Variants in KIAA0232 observed in about 807,000 individuals in gnomAD.
KIAA0232 encodes the protein KIAA0232, also known as uncharacterized protein KIAA0232.
Under a neutral mutation model 122.0 loss-of-function variants are expected in KIAA0232, and 27 were observed. The ratio of observed to expected loss-of-function variants is 0.22; its 90% CI spans 0.16 to 0.31. KIAA0232 has a LOEUF of 0.31. KIAA0232 is among the 10% of genes least tolerant of loss of function. The probability of loss-of-function intolerance (pLI) is 1.00; values close to 1 mark genes in which losing one functional copy is unlikely to be tolerated. For missense variants in KIAA0232, 1,551 were observed against 1,634.2 expected, an observed-to-expected ratio of 0.95 and a Z score of 0.88; for synonymous variants, 613 against 587.6, an observed-to-expected ratio of 1.04 and a Z score of -0.63.
chr4:6,801,870 CTT>C (rs1052215836), intron 1 of KIAA0232, among the ~76,000 whole-genome samples: 4 of 152,148 alleles, frequency 2.6e-5, no homozygotes, highest in African/African-American at 9.7e-5. Context: ...AAATCATACT[CTT>C]TTAGCTTTAG....
chr4:6,783,608 C>T (rs1433944443), intron 1 of KIAA0232, among the ~76,000 whole-genome samples: 1 of 151,512 alleles, frequency 6.6e-6, no homozygotes, highest in Non-Finnish European at 1.5e-5. Flanking sequence ...GGGAAAACCG[C>T]CGGGCGGGGG....
rs1722100295 is a variant in KIAA0232, at chr4:6,882,061, G to A, written c.*1095G>A. ...TGGTTTTGCTGACTGTCGCTCCGTG[G>A]GACTGGCTCCCGTTTCTCCTTGGTG... On this transcript the variant is annotated 3_prime_UTR_variant, in exon 10 of 10. Coordinates refer to ENST00000307659, the MANE Select transcript of KIAA0232 (RefSeq NM_014743.3). 6.6e-6 allele frequency: 1 copy of A among 152,618 alleles called. No homozygotes were observed. The highest frequency in any genetic ancestry group is 1.9e-4 in the East Asian group (1 of 5,200). The allele number at this position is 152,618 out of a possible 1,614,324, so 9.5% of individuals were successfully genotyped here.
At position 6,863,753 on chromosome 4, in the gene KIAA0232, C is replaced by T. The variant is rs754004759; in HGVS notation, c.3371C>T (p.Ser1124Leu). 6.2e-7 allele frequency: 1 copy of T among 1,614,144 alleles called. No individual in the cohort carries two copies. Among genetic ancestry groups the T allele is most frequent in the South Asian group, 1.1e-5 (1 of 91,048 alleles). The part of the protein sequence containing the change: ...SELSPGGGSE[S>L]EFESEKDEAN... ...CTGTCCCCAGGAGGAGGAAGCGAGT[C>T]AGAATTTGAATCTGAGAAAGATGAA... The change falls in exon 7 of 10, where the codon TCA (serine) becomes TTA (leucine). Residue 1124 changes from serine to leucine, a missense_variant. Transcript: ENST00000307659.
Position 6,880,976 on chromosome 4 carries a change from A to G in KIAA0232, c.*10A>G. ...TCGAACTCATCTCTAAACCTGCAAA[A>G]TAGTACAAATTATTGTTTAAAAATG... On this transcript the variant is annotated 3_prime_UTR_variant, in exon 10 of 10. Coordinates refer to ENST00000307659, the MANE Select transcript of KIAA0232 (RefSeq NM_014743.3). The G allele has an allele frequency of 6.8e-7, 1 of 1,474,474 alleles. No homozygotes were observed. The highest frequency in any genetic ancestry group is 1.5e-5 in the South Asian group (1 of 68,956). 91.3% of individuals were successfully genotyped at this position (1,474,474 alleles called of 1,614,324 possible). A position where few individuals can be genotyped will look rare whatever the true frequency, so the allele number is the denominator to read the frequency against.
rs778936730 is a variant in KIAA0232, at chr4:6,883,542, A to C, written c.*2576A>C. On this transcript the variant is annotated 3_prime_UTR_variant, in exon 10 of 10. Coordinates refer to ENST00000307659, the MANE Select transcript of KIAA0232 (RefSeq NM_014743.3). Reference sequence around the variant, plus strand: ...AAACATTGTGCAGCTTTGCTAGGGAAGAAAGTGGTGTGGCCTGCTGAGAAA... The same window carrying C: ...AAACATTGTGCAGCTTTGCTAGGGACGAAAGTGGTGTGGCCTGCTGAGAAA... 2.6e-5 allele frequency: 4 copies of C among 152,174 alleles called. No homozygotes were observed. Among genetic ancestry groups the C allele is most frequent in the Non-Finnish European group, 5.9e-5 (4 of 68,028 alleles). The allele number at this position is 152,174 out of a possible 1,614,324, so 9.4% of individuals were successfully genotyped here. A position where few individuals can be genotyped will look rare whatever the true frequency, so the allele number is the denominator to read the frequency against.
intron 3 of KIAA0232, among the ~76,000 whole-genome samples, chr4:6,826,214 A>G (rs1718676344): frequency 6.6e-6 from 1 of 152,208 alleles, no homozygotes; most frequent in Non-Finnish European, 1.5e-5. Flanking sequence ...TCTTGCTTCC[A>G]GGTTGCTTGC....
At position 6,862,360 on chromosome 4, in the gene KIAA0232, T is replaced by C. The variant is rs780990536; in HGVS notation, c.1978T>C (p.Leu660=). The C allele has an allele frequency of 1.0e-4, 166 of 1,614,166 alleles. No individual in the cohort carries two copies. The highest frequency in any genetic ancestry group is 5.1e-4 in the South Asian group (46 of 91,074). ...TGAAGTGCAATGCAGTAATTCTGTT[T>C]TACCATTTTCTTTTGAAACACTCAA... ...VFEVQCSNSV[L]PFSFETLNLG... is the part of the protein sequence containing the mutation. The change falls in exon 7 of 10, where the codon TTA becomes CTA. Residue 660 remains leucine (L), a synonymous_variant. Coordinates refer to ENST00000307659, the MANE Select transcript of KIAA0232 (RefSeq NM_014743.3).
In KIAA0232 at chr4:6,880,826, G is replaced by T. The variant is rs756299189; in HGVS notation, c.4048G>T (p.Asp1350Tyr). 6.3e-7 allele frequency: 1 copy of T among 1,598,256 alleles called. No individual in the cohort carries two copies. The highest frequency in any genetic ancestry group is 1.7e-5 in the Admixed American group (1 of 58,066). ...VYEARCTGER[D>Y]SGAKSDGFRG... ...TGAAGCAAGATGTACAGGAGAGAGA[G>T]ATTCTGGAGCAAAGTCAGATGGCTT... Residue 1350 changes from aspartate to tyrosine, a missense_variant, in exon 10 of 10, where the codon GAT (aspartate) becomes TAT (tyrosine). This residue lies in a region of KIAA0232 where 1,108 missense variants were observed against 1,154.8 expected (regional missense o/e 0.96). Coordinates refer to ENST00000307659, the MANE Select transcript of KIAA0232 (RefSeq NM_014743.3).
intron 1 of KIAA0232, among the ~76,000 whole-genome samples, chr4:6,784,928 A>G (rs1246209029): frequency 2.0e-5 from 3 of 150,230 alleles, no homozygotes; most frequent in Non-Finnish European, 2.9e-5. Context: ...ATTTAAGAAG[A>G]TCAGATGAAT....
intron 9 of KIAA0232, among the ~76,000 whole-genome samples, chr4:6,877,086 T>C (rs1020092025): frequency 1.3e-5 from 2 of 151,848 alleles, no homozygotes; most frequent in Non-Finnish European, 2.9e-5. Context: ...ACACTTTTCA[T>C]CTTTTTTTTT....
At chr4:6,789,887 G>C (rs1338146885) in intron 1 of KIAA0232, among the ~76,000 whole-genome samples, 2 of 152,046 alleles carry the variant, frequency 1.3e-5, no homozygotes, top group South Asian at 2.1e-4. Flanking sequence ...AAATTAGCCA[G>C]GTGTGGTGGC....
At chr4:6,799,814 C>T (rs909335571) in intron 1 of KIAA0232, among the ~76,000 whole-genome samples, 1 of 151,966 alleles carries the variant, frequency 6.6e-6, no homozygotes, top group Non-Finnish European at 1.5e-5. Context: ...CCTGCCTCAG[C>T]CTCCCAGGTA....
chr4:6,826,273 T>C (rs1263560196), intron 3 of KIAA0232, among the ~76,000 whole-genome samples: 1 of 152,216 alleles, frequency 6.6e-6, no homozygotes, highest in Non-Finnish European at 1.5e-5. Flanking sequence ...GATTAACTTA[T>C]AACCTAATAA....
chr4:6,863,032 C>A lies in KIAA0232; in HGVS notation c.2650C>A (p.His884Asn). The change falls in exon 7 of 10, where the codon CAT becomes AAT. Residue 884 changes from histidine to asparagine, a missense_variant. Physicochemically the swap from His to Asn is moderately conservative, Grantham distance 68. Around this residue, in one of 5 missense-constraint regions of KIAA0232, gnomAD observed 1,108 missense variants for 1,154.8 expected, o/e 0.96. Coordinates refer to ENST00000307659, the MANE Select transcript of KIAA0232 (RefSeq NM_014743.3). ...PDKAVRRSEY[H>N]LWEGQKESLE... ...TAAGGCTGTGCGGAGGTCAGAGTACCATCTGTGGGAGGGACAGAAAGAGAG... is the reference window on the plus strand; with the variant it reads ...TAAGGCTGTGCGGAGGTCAGAGTACAATCTGTGGGAGGGACAGAAAGAGAG... The A allele has an allele frequency of 6.2e-7, 1 of 1,614,204 alleles. No individual in the cohort carries two copies. Among genetic ancestry groups the A allele is most frequent in the Non-Finnish European group, 8.5e-7 (1 of 1,180,040 alleles).
At chr4:6,824,052 A>G (rs1718550542) in intron 2 of KIAA0232, 133 bp from the exon 3 acceptor site, 1 of 372,336 alleles carries the variant, frequency 2.7e-6, no homozygotes, top group Non-Finnish European at 4.7e-6. Flanking sequence ...TGATGGGGGG[A>G]AAAATCAGTG....
At chr4:6,791,829 T>A (rs1181255038) in intron 1 of KIAA0232, among the ~76,000 whole-genome samples, 2 of 152,184 alleles carry the variant, frequency 1.3e-5, no homozygotes, top group African/African-American at 4.8e-5. Context: ...TTGATACGGG[T>A]TGGCTGTGTC....
At chr4:6,834,161 C>T (rs1211511422) in intron 3 of KIAA0232, among the ~76,000 whole-genome samples, 3 of 152,160 alleles carry the variant, frequency 2.0e-5, no homozygotes, top group Non-Finnish European at 4.4e-5. Flanking sequence ...TTTCTCAGAG[C>T]TCACTGAGCC....
At chr4:6,839,034 G>A (rs1349575370) in intron 3 of KIAA0232, among the ~76,000 whole-genome samples, 2 of 152,260 alleles carry the variant, frequency 1.3e-5, no homozygotes, top group East Asian at 1.9e-4. Context: ...GCTAAGGCAC[G>A]AGAATCTCTT....
chr4:6,861,987 T>C lies in KIAA0232; in HGVS notation c.1605T>C (p.Asn535=). The C allele has an allele frequency of 6.2e-7, 1 of 1,614,180 alleles. No homozygotes were observed. Among genetic ancestry groups the C allele is most frequent in the South Asian group, 1.1e-5 (1 of 91,084 alleles). ...ETMQGESRIL[N]MIRQKSKENT... ...TGCAAGGAGAAAGTCGGATTTTGAA[T>C]ATGATTCGACAGAAAAGCAAAGAGA... Residue 535 remains asparagine (N), a synonymous_variant, in exon 7 of 10, where the codon AAT becomes AAC. Transcript: ENST00000307659.
Sources: allele counts gnomAD v4.1 joint callset (sites outside exome capture counted in the v4.1 genomes callset), GRCh38; gene constraint gnomAD v4.1.1; regional missense constraint gnomAD v4.1.1; transcripts MANE v1.5; gene names NCBI Gene and HGNC (gene_info 2026-07-23, HGNC 2026-07-21).